The following SEMA3A variants were observed in gnomAD, a reference collection of about 807,000 sequenced individuals.
SEMA3A encodes semaphorin-3A.
In SEMA3A, 29 loss-of-function variants were observed where a neutral mutation model predicts 97.9. That is an observed-to-expected ratio of 0.30 (90% CI 0.22 to 0.40). The LOEUF (loss-of-function observed/expected upper bound fraction) is 0.40, where lower values mean the gene tolerates loss of function less well. Among genes scored for constraint, SEMA3A ranks in the 10% least tolerant of loss-of-function variants. SEMA3A has a pLI of 1.00. For synonymous variants in SEMA3A, 321 were observed against 323.7 expected, an observed-to-expected ratio of 0.99 and a Z score of 0.09; for missense variants, 763 against 951.3, an observed-to-expected ratio of 0.80 and a Z score of 2.60.
At chr7:84,091,373 G>A (rs549850367) in intron 4 of SEMA3A, among the ~76,000 whole-genome samples, 1 of 150,964 alleles carries the variant, frequency 6.6e-6, no homozygotes, top group South Asian at 2.1e-4. Flanking sequence ...AGAAAGGAAG[G>A]AAGGAAGGAA....
At chr7:84,372,668 T>C (rs191607104) in intron 1 of SEMA3A, among the ~76,000 whole-genome samples, 22 of 152,218 alleles carry the variant, frequency 1.4e-4, no homozygotes, top group African/African-American at 2.4e-4. Context: ...AATTAAAACA[T>C]CTGCAGCATG....
intron 6 of SEMA3A, among the ~76,000 whole-genome samples, chr7:84,025,061 T>C (rs1486564693): frequency 1.3e-5 from 2 of 152,070 alleles, no homozygotes; most frequent in African/African-American, 4.8e-5. Flanking sequence ...CACTCCAGCC[T>C]GGGTAACAAA....
intron 2 of SEMA3A, among the ~76,000 whole-genome samples, chr7:84,364,472 TA>T (rs1215141526): frequency 6.6e-6 from 1 of 151,826 alleles, no homozygotes; most frequent in African/African-American, 2.4e-5. Flanking sequence ...TGTATTTATT[TA>T]TTTTTTTAGA....
chr7:84,404,250 C>A lies in SEMA3A; in HGVS notation c.-245-32350G>T, dbSNP rs181239352. Among the ~76,000 whole-genome samples the A allele has an allele frequency of 2.0e-5, 3 of 152,214 alleles. No homozygotes were observed. In the South Asian group the frequency reaches 6.2e-4, roughly 32 times the overall value. On this transcript the variant is annotated intron_variant, in intron 1 of 3. Transcript: ENST00000424555. ...GGACGAGAACTACGTAATGAATGCACAAGCCTCAGTAACCAATGCAATCAA... is the reference window on the plus strand; with the variant it reads ...GGACGAGAACTACGTAATGAATGCAAAAGCCTCAGTAACCAATGCAATCAA...
At chr7:84,253,080 G>A (rs1392380796) in intron 3 of SEMA3A, among the ~76,000 whole-genome samples, 1 of 151,926 alleles carries the variant, frequency 6.6e-6, no homozygotes, top group Non-Finnish European at 1.5e-5. Flanking sequence ...GTTTCACCAC[G>A]TTGGCTAGGC....
At chr7:84,097,030 T>C (rs910944870) in intron 4 of SEMA3A, among the ~76,000 whole-genome samples, 16 of 152,044 alleles carry the variant, frequency 1.1e-4, no homozygotes, top group Non-Finnish European at 1.8e-4. Flanking sequence ...TACGGATTCT[T>C]AAGGGCAAAG....
At chr7:84,041,856 T>G (rs944433553) in intron 6 of SEMA3A, among the ~76,000 whole-genome samples, 1 of 152,020 alleles carries the variant, frequency 6.6e-6, no homozygotes, top group African/African-American at 2.4e-5. Context: ...AAAGAAATAA[T>G]CAAAAATGAC....
chr7:84,255,348 T>C (rs1799695138), intron 3 of SEMA3A, among the ~76,000 whole-genome samples: 1 of 152,122 alleles, frequency 6.6e-6, no homozygotes, highest in African/African-American at 2.4e-5. Flanking sequence ...ACATAAATAA[T>C]TGAGATTGTC....
At chr7:84,215,733 A>T (rs1584134534) in intron 3 of SEMA3A, among the ~76,000 whole-genome samples, 1 of 152,372 alleles carries the variant, frequency 6.6e-6, no homozygotes, top group East Asian at 1.9e-4. Flanking sequence ...CATAGTAGGT[A>T]TCACTAAATA....
chr7:84,053,278 T>A (rs1187383985), intron 5 of SEMA3A, among the ~76,000 whole-genome samples: 1 of 107,702 alleles, frequency 9.3e-6, no homozygotes, highest in Admixed American at 1.1e-4. Flanking sequence ...GTTGACTTTC[T>A]GTCTCGTTGA....
rs11974145 is a variant in SEMA3A, at chr7:84,060,575, G to C, written c.454-17C>G. On this transcript the variant is annotated splice_polypyrimidine_tract_variant and intron_variant, in intron 4 of 16. Coordinates refer to ENST00000265362, the MANE Select transcript of SEMA3A (RefSeq NM_006080.3). ...AATATTGTCCTGTGGATTTAAAAAA[G>C]AAAGAGAAAAGGGTTTCCTTTATAT... is the stretch of plus-strand genomic sequence containing the variant. 1 of 1,505,416 alleles carries C rather than the reference G, an allele frequency of 6.6e-7. No individual in the cohort carries two copies. The highest frequency in any genetic ancestry group is 8.9e-7 in the Non-Finnish European group (1 of 1,122,620). The allele number at this position is 1,505,416 out of a possible 1,614,324, so 93.3% of individuals were successfully genotyped here.
rs978839410 is a variant in SEMA3A, at chr7:84,211,498, G to A, written c.-82-16830C>T. 5.9e-5 allele frequency among the ~76,000 whole-genome samples: 9 copies of A among 151,934 alleles called. 1 individual carries two copies. The highest frequency in any genetic ancestry group is 1.3e-4 in the Admixed American group (2 of 15,260). On this transcript the variant is annotated intron_variant, in intron 3 of 3. Coordinates refer to the SEMA3A transcript ENST00000424555. ...TAGTCGGGCATGCTGGTGCATGCCT[G>A]TAATCCCAGCTACTCGGGAGGCTCA...
chr7:84,483,229 C>T (rs1210049549), intron 1 of SEMA3A, among the ~76,000 whole-genome samples: 1 of 152,104 alleles, frequency 6.6e-6, no homozygotes, highest in South Asian at 2.1e-4. Flanking sequence ...GTAATTTGAC[C>T]TTTTGTTAAC....
At chr7:84,101,241 A>G (rs1794950497) in intron 4 of SEMA3A, among the ~76,000 whole-genome samples, 1 of 151,680 alleles carries the variant, frequency 6.6e-6, no homozygotes, top group East Asian at 1.9e-4. Context: ...GGTCCTTTCC[A>G]TATAAAAAGC....
At chr7:84,451,870 G>T (rs2706903) in intron 1 of SEMA3A, among the ~76,000 whole-genome samples, 21,543 of 152,038 alleles carry the variant, frequency 0.14, 3,130 homozygotes, top group African/African-American at 0.36. Context: ...TTGGAATCCA[G>T]TATTTTTGTT....
chr7:84,165,178 G>A lies in SEMA3A; in HGVS notation c.112+29297C>T, dbSNP rs567527201. ...ACCGTGATAGCGCCATTGCACTCCC[G>A]CCTGGGTGTCAGAGTGAGTCCTCGT... On this transcript the variant is annotated intron_variant, in intron 1 of 16. Coordinates refer to ENST00000265362, the MANE Select transcript of SEMA3A (RefSeq NM_006080.3). Among the ~76,000 whole-genome samples, 8 of 152,134 alleles carry A rather than the reference G, an allele frequency of 5.3e-5. No homozygotes were observed. The South Asian group carries it at 6.2e-4, about 12-fold the overall frequency.
At chr7:84,418,068 A>T (rs536167645) in intron 1 of SEMA3A, among the ~76,000 whole-genome samples, 1 of 152,142 alleles carries the variant, frequency 6.6e-6, no homozygotes, top group African/African-American at 2.4e-5. Flanking sequence ...TGGCTGGTAA[A>T]GTTTTGTTTC....
chr7:83,966,953 C>G (rs1004233884), intron 15 of SEMA3A, among the ~76,000 whole-genome samples: 4 of 152,094 alleles, frequency 2.6e-5, no homozygotes, highest in Admixed American at 2.6e-4. Context: ...TCAGGTGATT[C>G]GCCCGCCTCG....
At chr7:84,479,616 T>C (rs376053480) in intron 1 of SEMA3A, among the ~76,000 whole-genome samples, 4 of 152,162 alleles carry the variant, frequency 2.6e-5, no homozygotes, top group African/African-American at 9.7e-5. Flanking sequence ...GTAAATATAC[T>C]ATGTAGCTCA....
Sources: gnomAD v4.1 joint callset for allele counts (sites outside exome capture counted in the v4.1 genomes callset) on GRCh38, gnomAD v4.1.1 for gene constraint, MANE v1.5 for transcripts, NCBI Gene and HGNC (gene_info 2026-07-23, HGNC 2026-07-21) for gene names.